UBA7: variants seen among roughly 807,000 people sequenced by gnomAD.
UBA7 encodes the protein ubiquitin-like modifier-activating enzyme 7.
UBA7 carries 88 observed loss-of-function variants against 113.0 expected under a neutral mutation model. The ratio of observed to expected loss-of-function variants is 0.78; its 90% CI spans 0.66 to 0.93. The LOEUF is 0.93. Among genes scored for constraint, UBA7 ranks in the 40% least tolerant of loss-of-function variants. The pLI is 0.00. For synonymous variants in UBA7, 459 were observed against 513.0 expected (o/e 0.89, Z 1.42); for missense variants, 1,092 against 1,266.4 (o/e 0.86, Z 2.09).
chr3:49,806,171 A>T lies in UBA7; in HGVS notation c.2716-6T>A, dbSNP rs1373420354. On this transcript the variant is annotated splice_region_variant and splice_polypyrimidine_tract_variant and intron_variant, in intron 21 of 23. Coordinates refer to ENST00000333486, the MANE Select transcript of UBA7 (RefSeq NM_003335.3). ...GTCCACTTCAGGTGATGGAACTGGG[A>T]TGAGGTAGAGGAGGAGTCAGAGACT... 4 of 1,590,198 alleles carry T rather than the reference A, an allele frequency of 2.5e-6. No homozygotes were observed. The highest frequency in any genetic ancestry group is 8.6e-7 in the Non-Finnish European group (1 of 1,168,770).
Position 49,811,373 on chromosome 3 carries a change from A to C in UBA7, c.1022T>G (p.Leu341Arg). The C allele has an allele frequency of 6.2e-7, 1 of 1,613,882 alleles. No individual in the cohort carries two copies. Among genetic ancestry groups the C allele is most frequent in the Non-Finnish European group, 8.5e-7 (1 of 1,179,928 alleles). Residue 341 changes from leucine (L) to arginine (R), a missense_variant, in exon 9 of 24, where the codon CTG becomes CGG. Leu to Arg is a moderately radical substitution (Grantham distance 102, BLOSUM62 -2). Coordinates refer to ENST00000333486, the MANE Select transcript of UBA7 (RefSeq NM_003335.3). ...GACTGTCCGCACTAGGGCCTCATCC[A>C]GTGGCTCTTCCAGTGGCTCTTCCTC... ...RTEEEPLEEP[L>R]DEALVRTVAL...
rs758397374 is a variant in UBA7, at chr3:49,810,839, G to T, written c.1231-7C>A. ...CATCATAGCGGCTGCCTCTCTAGGG[G>T]ACAGAGACGGGGTCAGTGATGGCTA... is the stretch of plus-strand genomic sequence containing the variant. On this transcript the variant is annotated splice_region_variant and splice_polypyrimidine_tract_variant and intron_variant, in intron 10 of 23. Transcript: ENST00000333486. The surrounding 1 kb of genome is among the most constrained non-coding windows in gnomAD (Gnocchi z 5.6). 1.2e-6 allele frequency: 2 copies of T among 1,614,128 alleles called. No homozygotes were observed. The highest frequency in any genetic ancestry group is 1.7e-6 in the Non-Finnish European group (2 of 1,180,008).
At position 49,811,951 on chromosome 3, in the gene UBA7, A is replaced by G; in HGVS notation, c.858T>C (p.His286=). 6.2e-7 allele frequency: 1 copy of G among 1,614,196 alleles called. No individual in the cohort carries two copies. Among genetic ancestry groups the G allele is most frequent in the Non-Finnish European group, 8.5e-7 (1 of 1,180,026 alleles). The change falls in exon 8 of 24, where the codon CAT becomes CAC. Residue 286 remains histidine, a synonymous_variant. Transcript: ENST00000333486. ...AGAAGGCCTGATGCAGGCAGTGGGC[A>G]TGGTGAACTTCCTGGGAGCTCTGGG... ...VVAQSSQEVH[H]AHCLHQAFCA...
In UBA7 at chr3:49,809,965, G is replaced by A. The variant is rs763612103; in HGVS notation, c.1839+13C>T. The A allele has an allele frequency of 6.2e-7, 1 of 1,613,960 alleles. No individual in the cohort carries two copies. Among genetic ancestry groups the A allele is most frequent in the South Asian group, 1.1e-5 (1 of 91,086 alleles). ...GAGCTGGGTGGGGTGGGAGTCTCCA[G>A]GGTGCTTCCTACCTGCAGGGTGTGC... On this transcript the variant is annotated intron_variant, in intron 14 of 23. Transcript: ENST00000333486.
intron 4 of UBA7, 146 bp from the exon 5 acceptor site, chr3:49,812,884 A>G (rs2081572050): frequency 8.5e-7 from 1 of 1,170,584 alleles, no homozygotes; most frequent in Non-Finnish European, 1.2e-6. Context: ...TTACTGGAGC[A>G]GGTCTGGAGG....
Position 49,805,973 on chromosome 3 carries a change from T to C in UBA7, c.2833A>G (p.Ile945Val), listed in dbSNP as rs763220520. The C allele has an allele frequency of 6.4e-7, 1 of 1,566,664 alleles. No individual in the cohort carries two copies. Among genetic ancestry groups the C allele is most frequent in the East Asian group, 2.4e-5 (1 of 42,090 alleles). ...AGCAGGGCTGAGCCGTGCAGCAGGA[T>C]CCTCACCCTCAACCCGTGCTGCTCC... ...LQEQHGLRVR[I>V]LLHGSALLYA... Residue 945 changes from isoleucine to valine, a missense_variant, in exon 23 of 24, where the codon ATC becomes GTC. Physicochemically the swap from Ile to Val is conservative, Grantham distance 29. Coordinates refer to ENST00000333486, the MANE Select transcript of UBA7 (RefSeq NM_003335.3).
In UBA7 at chr3:49,809,036, G is replaced by C; in HGVS notation, c.2287C>G (p.Gln763Glu). The C allele has an allele frequency of 6.2e-7, 1 of 1,613,914 alleles. No individual in the cohort carries two copies. The highest frequency in any genetic ancestry group is 1.1e-5 in the South Asian group (1 of 91,036). Residue 763 changes from glutamine (Q) to glutamate (E), a missense_variant, in exon 18 of 24, where the codon CAA (glutamine) becomes GAA (glutamate). Gln to Glu is a conservative substitution (Grantham distance 29). Around this residue, in one of 3 missense-constraint regions of UBA7, gnomAD observed 500 missense variants for 529.3 expected, o/e 0.94. Coordinates refer to ENST00000333486, the MANE Select transcript of UBA7 (RefSeq NM_003335.3). ...LLKLLPQPDP[Q>E]QMAPIFASNL... ...CTAGCAAAGATGGGGGCCATCTGTT[G>C]GGGGTCAGGCTGTGGCAGCAGCTTC...
At chr3:49,809,356 T>G (rs1445998360) in intron 17 of UBA7, 34 bp downstream of exon 17, 1 of 1,609,164 alleles carries the variant, frequency 6.2e-7, no homozygotes, top group Non-Finnish European at 8.5e-7. Flanking sequence ...GGGCCACATC[T>G]CTATCTTGGA....
rs1483975110 is a variant in UBA7 at position 49,808,458 on chromosome 3, C to G, written c.2358G>C (p.Gln786His). ...CCAGGGCTTTGTTCAGTTCCTTCTG[C>G]TGCTCAGGGCCTGTCAGGGGAGGGG... Reference protein sequence around the residue: ...ASASAEFGPEQQKELNKALEV... With the variant: ...ASASAEFGPEHQKELNKALEV... Residue 786 changes from glutamine (Q) to histidine (H), a missense_variant, in exon 19 of 24, where the codon CAG becomes CAC. Transcript: ENST00000333486. 2.5e-6 allele frequency: 4 copies of G among 1,613,998 alleles called. No homozygotes were observed. In the African/African-American group the frequency reaches 5.3e-5, roughly 22 times the overall value.
chr3:49,806,135 G>A lies in UBA7; in HGVS notation c.2746C>T (p.Arg916Cys), dbSNP rs143889964. The A allele has an allele frequency of 2.9e-5, 46 of 1,601,890 alleles. No homozygotes were observed. The African/African-American group carries it at 5.1e-4, about 18-fold the overall frequency. ...GGCTGCCCAGCTGGTACCTTCAGACGGTCCCAAGAGGTCCACTTCAGGTGA... is the reference window on the plus strand; with the variant it reads ...GGCTGCCCAGCTGGTACCTTCAGACAGTCCCAAGAGGTCCACTTCAGGTGA... ...FHHLKWTSWD[R>C]LKVPAGQPER... Residue 916 changes from arginine (R) to cysteine (C), a missense_variant, in exon 22 of 24, where the codon CGT becomes TGT. Arg to Cys is a radical substitution (Grantham distance 180). Transcript: ENST00000333486.
At chr3:49,813,678 G>A (rs1289011196) in intron 1 of UBA7, 31 bp from the exon 2 acceptor site, 5 of 1,614,120 alleles carry the variant, frequency 3.1e-6, no homozygotes, top group South Asian at 1.1e-5. Context: ...GCAAGCAGTT[G>A]TAGATCAAGG....
Position 49,809,646 on chromosome 3 carries a change from G to A in UBA7, c.1984C>T (p.Arg662Cys), listed in dbSNP as rs200976055. ...LKPVLGVLRV[R>C]PQNWQDCVAW... is the part of the protein sequence containing the mutation. ...ACACAGTCTTGCCAGTTCTGTGGAC[G>A]CACTCTCAGGACCCCAAGCACTGGC... Residue 662 changes from arginine to cysteine, a missense_variant, in exon 16 of 24, where the codon CGT (arginine) becomes TGT (cysteine). By Grantham distance (180) the Arg-to-Cys change is radical. Coordinates refer to ENST00000333486, the MANE Select transcript of UBA7 (RefSeq NM_003335.3). 5.0e-5 allele frequency: 81 copies of A among 1,613,960 alleles called. 4 individuals carry two copies. The Middle Eastern group carries it at 8.2e-4, about 16-fold the overall frequency.
chr3:49,810,191 G>T lies in UBA7; in HGVS notation c.1634-8C>A. On this transcript the variant is annotated splice_region_variant and splice_polypyrimidine_tract_variant and intron_variant, in intron 13 of 23. Transcript: ENST00000333486. The surrounding 1 kb of genome is among the most constrained non-coding windows in gnomAD (Gnocchi z 5.6). The stretch of plus-strand genomic sequence containing the variant: ...GAGCAGCCACATAGCGCCCTGGCAA[G>T]GGAGCAGTGGGTCAGAAGTGGGACT... 2 of 1,612,846 alleles carry T rather than the reference G, an allele frequency of 1.2e-6. No individual in the cohort carries two copies. Among genetic ancestry groups the T allele is most frequent in the Non-Finnish European group, 1.7e-6 (2 of 1,179,392 alleles).
Position 49,807,611 on chromosome 3 carries a change from A to C in UBA7, c.2715+125T>G. Reference sequence around the variant, plus strand: ...TCATAGCAGGAAGAGGGCTGGAGGGAGTCTTCAGGACTTCTGCACAGTCTG... The same window carrying C: ...TCATAGCAGGAAGAGGGCTGGAGGGCGTCTTCAGGACTTCTGCACAGTCTG... On this transcript the variant is annotated intron_variant, in intron 21 of 23. Transcript: ENST00000333486. This position sits in a 1 kb window ranked among gnomAD's most constrained non-coding sequence, Gnocchi z 4.0. 8.1e-7 allele frequency: 1 copy of C among 1,237,478 alleles called. No homozygotes were observed. The highest frequency in any genetic ancestry group is 1.1e-6 in the Non-Finnish European group (1 of 904,338). 76.7% of individuals were successfully genotyped at this position (1,237,478 alleles called of 1,614,324 possible).
intron 21 of UBA7, chr3:49,806,425 G>T: frequency 1.8e-6 from 1 of 566,372 alleles, no homozygotes; most frequent in Non-Finnish European, 3.2e-6. Flanking sequence ...TGAGAGTGGG[G>T]GATGAGGGGG....
rs968422016 is a variant in UBA7 at position 49,806,291 on chromosome 3, G to A, written c.2716-126C>T. ...AAACAGGAGCCAGGGGGTGGGGGGTGGGGGGGAGGTGGGATCTGGGCCCAG... is the reference window on the plus strand; with the variant it reads ...AAACAGGAGCCAGGGGGTGGGGGGTAGGGGGGAGGTGGGATCTGGGCCCAG... On this transcript the variant is annotated intron_variant, in intron 21 of 23. Coordinates refer to ENST00000333486, the MANE Select transcript of UBA7 (RefSeq NM_003335.3). 1.9e-4 allele frequency: 161 copies of A among 831,206 alleles called. 3 individuals are homozygous for A. In the East Asian group the frequency reaches 3.8e-3, roughly 20 times the overall value. The allele number at this position is 831,206 out of a possible 1,614,324, so 51.5% of individuals were successfully genotyped here.
Position 49,812,685 on chromosome 3 carries a change from GC to G in UBA7, c.520del (p.Ala174GlnfsTer4). 1 of 1,614,202 alleles carries G rather than the reference GC, an allele frequency of 6.2e-7. No individual in the cohort carries two copies. The highest frequency in any genetic ancestry group is 8.5e-7 in the Non-Finnish European group (1 of 1,180,042). Reference protein sequence around the residue: ...EDFTVQDPTEAEPLTAAIQHI... With the variant: ...EDFTVQDPTEXEPLTAAIQHI... ...CTGGATGGCAGCTGTCAGGGGTTCT[GC>G]CTCTGTGGGGTCCTGCACAGTGAAG... On this transcript the variant is annotated frameshift_variant, in exon 5 of 24. Transcript: ENST00000333486. LOFTEE classifies it high-confidence loss of function.
In UBA7 at chr3:49,810,226, G is replaced by A. The variant is rs761847506; in HGVS notation, c.1633+37C>T. On this transcript the variant is annotated intron_variant, in intron 13 of 23. Coordinates refer to ENST00000333486, the MANE Select transcript of UBA7 (RefSeq NM_003335.3). The surrounding 1 kb of genome is among the most constrained non-coding windows in gnomAD (Gnocchi z 5.6). Reference sequence around the variant, plus strand: ...GGTCAGAAGTGGGACTGGCACAGCTGTGGGCAAGGGACTGACCTCCGAAGT... The same window carrying A: ...GGTCAGAAGTGGGACTGGCACAGCTATGGGCAAGGGACTGACCTCCGAAGT... 6.2e-7 allele frequency: 1 copy of A among 1,612,940 alleles called. No homozygotes were observed. The highest frequency in any genetic ancestry group is 1.7e-5 in the Admixed American group (1 of 59,984).
At chr3:49,812,375 C>T in intron 6 of UBA7, 33 bp downstream of exon 6, 3 of 1,613,484 alleles carry the variant, frequency 1.9e-6, no homozygotes, top group Non-Finnish European at 2.5e-6. Flanking sequence ...AGGCTTGGGC[C>T]CTGCACCTGG....
Sources: gnomAD v4.1 joint callset for allele counts on GRCh38, gnomAD v4.1.1 for gene constraint, gnomAD v4.1.1 regional missense constraint, Gnocchi (gnomAD v3.1) non-coding constraint, MANE v1.5 for transcripts, NCBI Gene and HGNC (gene_info 2026-07-23, HGNC 2026-07-21) for gene names.